The following ADAMTS9 variants were observed in gnomAD, a reference collection of about 807,000 sequenced individuals.
The protein encoded by ADAMTS9 is A disintegrin and metalloproteinase with thrombospondin motifs 9.
ADAMTS9 carries 107 observed loss-of-function variants against 257.1 expected under a neutral mutation model. The observed-to-expected ratio is 0.42, with a 90% CI of 0.36 to 0.49. The LOEUF (loss-of-function observed/expected upper bound fraction) is 0.49. ADAMTS9 is among the 20% of genes least tolerant of loss of function. The pLI is 0.03. For missense variants in ADAMTS9, 2,353 were observed against 2,469.1 expected, an observed-to-expected ratio of 0.95 and a Z score of 1.00; for synonymous variants, 982 against 880.9, an observed-to-expected ratio of 1.11 and a Z score of -2.03.
intron 11 of ADAMTS9, among the ~76,000 whole-genome samples, chr3:64,643,156 G>T (rs1356337463): frequency 6.6e-6 from 1 of 152,136 alleles, no homozygotes; most frequent in Non-Finnish European, 1.5e-5. Flanking sequence ...AATGCGCACT[G>T]AGGCAGTGGG....
chr3:64,630,187 T>G (rs1255286882), intron 16 of ADAMTS9, among the ~76,000 whole-genome samples: 2 of 152,162 alleles, frequency 1.3e-5, no homozygotes, highest in African/African-American at 4.8e-5. Context: ...CAGTCATGAC[T>G]CTACTCTCCA....
chr3:64,657,693 A>G (rs1051167178), intron 4 of ADAMTS9, among the ~76,000 whole-genome samples: 2 of 151,656 alleles, frequency 1.3e-5, no homozygotes, highest in African/African-American at 4.9e-5. Flanking sequence ...AAAATTAGGA[A>G]TTTTTTTTAA....
In ADAMTS9 at chr3:64,606,959, C is replaced by A; in HGVS notation, c.3474+1G>T. 6.2e-7 allele frequency: 1 copy of A among 1,613,542 alleles called. No homozygotes were observed. The highest frequency in any genetic ancestry group is 1.1e-5 in the South Asian group (1 of 91,008). On this transcript the variant is annotated splice_donor_variant, in intron 23 of 39. Coordinates refer to ENST00000498707, the MANE Select transcript of ADAMTS9 (RefSeq NM_182920.2). LOFTEE classifies it high-confidence loss of function. Reference sequence around the variant, plus strand: ...AACTGAGTTGGACAAAGGAAACTTACCTGGGTATCAGTTGGTCTAGTTGCT... The same window carrying A: ...AACTGAGTTGGACAAAGGAAACTTAACTGGGTATCAGTTGGTCTAGTTGCT...
intron 8 of ADAMTS9, 113 bp from the exon 9 acceptor site, chr3:64,651,276 A>G (rs922556914): frequency 2.4e-6 from 2 of 833,324 alleles, no homozygotes; most frequent in African/African-American, 1.8e-5. Context: ...TTCATTTTGG[A>G]TAAGAACCTG....
At chr3:64,669,911 T>C (rs940529088) in intron 3 of ADAMTS9, among the ~76,000 whole-genome samples, 1 of 151,960 alleles carries the variant, frequency 6.6e-6, no homozygotes, top group Non-Finnish European at 1.5e-5. Context: ...CTTGTTACAA[T>C]GAAATAACAT....
At chr3:64,627,065 A>G (rs1457636008) in intron 16 of ADAMTS9, among the ~76,000 whole-genome samples, 1 of 152,220 alleles carries the variant, frequency 6.6e-6, no homozygotes, top group Non-Finnish European at 1.5e-5. Context: ...ATGAAGTTGC[A>G]TGCTAGCTAC....
At chr3:64,648,320 T>G (rs541407668) in intron 10 of ADAMTS9, among the ~76,000 whole-genome samples, 1 of 152,282 alleles carries the variant, frequency 6.6e-6, no homozygotes, top group South Asian at 2.1e-4. Flanking sequence ...CCTAGGTTCC[T>G]TTCCCTTCCT....
At chr3:64,528,183 G>A (rs960531675) in intron 38 of ADAMTS9, among the ~76,000 whole-genome samples, 58 of 152,206 alleles carry the variant, frequency 3.8e-4, no homozygotes, top group African/African-American at 1.3e-3. Context: ...CAGCCAGGAC[G>A]TGATCATCCT....
intron 3 of ADAMTS9, among the ~76,000 whole-genome samples, chr3:64,674,096 T>A (rs1186414302): frequency 6.6e-6 from 1 of 151,992 alleles, no homozygotes; most frequent in Non-Finnish European, 1.5e-5. Context: ...ACTAAAGTTT[T>A]TTTTTAAAAA....
chr3:64,609,366 T>C (rs2084624153), intron 22 of ADAMTS9, among the ~76,000 whole-genome samples: 1 of 152,148 alleles, frequency 6.6e-6, no homozygotes, highest in Non-Finnish European at 1.5e-5. Context: ...GATGTCATCA[T>C]ACTATACATT....
intron 28 of ADAMTS9, among the ~76,000 whole-genome samples, chr3:64,584,944 TA>T (rs2084109667): frequency 6.6e-6 from 1 of 152,222 alleles, no homozygotes; most frequent in Admixed American, 6.5e-5. Context: ...TAAATAATCC[TA>T]TGCCTTTCTT....
At chr3:64,526,522 A>T (rs555761366) in intron 38 of ADAMTS9, among the ~76,000 whole-genome samples, 76 of 152,298 alleles carry the variant, frequency 5.0e-4, no homozygotes, top group African/African-American at 1.6e-3. Flanking sequence ...CAGCAACTGA[A>T]TTTGATGCCA....
rs1005246422 is a variant in ADAMTS9 at position 64,622,641 on chromosome 3, T to G, written c.2390-55A>C. On this transcript the variant is annotated intron_variant, in intron 16 of 39. Transcript: ENST00000498707. ...GATCTGCTGTCAATGACTAGCTGTT[T>G]GAAATATGAAGTAACATCTGGATAG... 2.7e-5 allele frequency: 43 copies of G among 1,583,844 alleles called. No individual in the cohort carries two copies. The East Asian group carries it at 9.6e-4, about 36-fold the overall frequency.
Position 64,622,570 on chromosome 3 carries a change from T to G in ADAMTS9, c.2406A>C (p.Lys802Asn), listed in dbSNP as rs763151608. The change falls in exon 17 of 40, where the codon AAA (lysine) becomes AAC (asparagine). Residue 802 changes from lysine (K) to asparagine (N), a missense_variant. Physicochemically the swap from Lys to Asn is moderately conservative, Grantham distance 94. This residue lies in a region of ADAMTS9 where 360 missense variants were observed against 458.1 expected (regional missense o/e 0.79). Coordinates refer to ENST00000498707, the MANE Select transcript of ADAMTS9 (RefSeq NM_182920.2). ...DDNYLALSSSKGEFLLNGNFV... is the reference protein window; with the variant it reads ...DDNYLALSSSNGEFLLNGNFV... ...AGTTTCCATTTAGCAAGAATTCACCTTTACTGCTTGATAAAGCTGTAGGTG... is the reference window on the plus strand; with the variant it reads ...AGTTTCCATTTAGCAAGAATTCACCGTTACTGCTTGATAAAGCTGTAGGTG... The G allele has an allele frequency of 4.3e-6, 7 of 1,614,040 alleles. No homozygotes were observed. Among genetic ancestry groups the G allele is most frequent in the Non-Finnish European group, 5.1e-6 (6 of 1,179,954 alleles).
intron 39 of ADAMTS9, among the ~76,000 whole-genome samples, chr3:64,517,694 G>T (rs993791706): frequency 6.6e-6 from 1 of 151,232 alleles, no homozygotes; most frequent in East Asian, 1.9e-4. Context: ...TTGGTATTTT[G>T]GTATTTCCTT....
At chr3:64,665,909 T>C (rs1701344630) in intron 3 of ADAMTS9, among the ~76,000 whole-genome samples, 1 of 152,146 alleles carries the variant, frequency 6.6e-6, no homozygotes, top group South Asian at 2.1e-4. Context: ...TAAGAAAGCA[T>C]ATAGAGAATT....
At chr3:64,536,562 T>C (rs769473107) in intron 37 of ADAMTS9, among the ~76,000 whole-genome samples, 1 of 152,182 alleles carries the variant, frequency 6.6e-6, no homozygotes, top group Non-Finnish European at 1.5e-5. Context: ...ATGTCTACTA[T>C]CATGGATATG....
intron 36 of ADAMTS9, among the ~76,000 whole-genome samples, chr3:64,539,903 C>G (rs535995578): frequency 6.6e-6 from 1 of 152,236 alleles, no homozygotes; most frequent in Non-Finnish European, 1.5e-5. Flanking sequence ...CCAAAGTGCA[C>G]GTTGTTAACC....
chr3:64,665,054 G>A (rs951839533), intron 3 of ADAMTS9, among the ~76,000 whole-genome samples: 8 of 152,104 alleles, frequency 5.3e-5, no homozygotes, highest in African/African-American at 1.7e-4. Context: ...AGTAGTAAAC[G>A]CATGTTTGCA....
Sources: allele counts gnomAD v4.1 joint callset (sites outside exome capture counted in the v4.1 genomes callset), GRCh38; gene constraint gnomAD v4.1.1; regional missense constraint gnomAD v4.1.1; transcripts MANE v1.5; gene names NCBI Gene and HGNC (gene_info 2026-07-23, HGNC 2026-07-21).